MSI2: variants seen among roughly 807,000 people sequenced by gnomAD.
The protein encoded by MSI2 is RNA-binding protein Musashi homolog 2.
In MSI2, 17 loss-of-function variants were observed where a neutral mutation model predicts 45.6. The observed-to-expected ratio is 0.37, with a 90% confidence interval of 0.26 to 0.56. The LOEUF (loss-of-function observed/expected upper bound fraction) is 0.56, where lower values mean the gene tolerates loss of function less well. Among genes scored for constraint, MSI2 ranks in the 20% least tolerant of loss-of-function variants. The pLI, the probability that MSI2 is intolerant of heterozygous loss-of-function variation, is 0.77. For missense variants in MSI2, 293 were observed against 444.2 expected (o/e 0.66, Z 3.06); for synonymous variants, 156 against 158.2 (o/e 0.99, Z 0.11).
intron 6 of MSI2, among the ~76,000 whole-genome samples, chr17:57,514,182 G>A (rs528103536): frequency 2.6e-5 from 4 of 151,310 alleles, no homozygotes; most frequent in Non-Finnish European, 5.9e-5. Flanking sequence ...GAGAGTAATA[G>A]CGCCTGACAG....
intron 6 of MSI2, among the ~76,000 whole-genome samples, chr17:57,483,896 A>G (rs2085699191): frequency 6.6e-6 from 1 of 152,208 alleles, no homozygotes; most frequent in Non-Finnish European, 1.5e-5. Context: ...CCTCTAGCAC[A>G]CGCTGTTGGC....
intron 5 of MSI2, among the ~76,000 whole-genome samples, chr17:57,339,896 C>G (rs1914989803): frequency 6.6e-6 from 1 of 152,146 alleles, no homozygotes; most frequent in Non-Finnish European, 1.5e-5. Flanking sequence ...GAGATGGATT[C>G]CCCAAGGTCC....
chr17:57,351,239 C>T (rs1916005997), intron 5 of MSI2, among the ~76,000 whole-genome samples: 1 of 152,078 alleles, frequency 6.6e-6, no homozygotes, highest in Non-Finnish European at 1.5e-5. Flanking sequence ...TCTGGAGGGT[C>T]AAGCAGAAAG....
At position 57,529,091 on chromosome 17, in the gene MSI2, A is replaced by G. The variant is rs565614098; in HGVS notation, c.406-585A>G. Among the ~76,000 whole-genome samples, 8 of 152,196 alleles carry G rather than the reference A, an allele frequency of 5.3e-5. No individual in the cohort carries two copies. The highest frequency in any genetic ancestry group is 4.2e-4 in the South Asian group (2 of 4,812). On this transcript the variant is annotated intron_variant, in intron 6 of 13. Transcript: ENST00000284073. The surrounding 1 kb of genome is among the most constrained non-coding windows in gnomAD (Gnocchi z 5.3). ...AACAAAAGGACAAATTCCATATACT[A>G]TATGATTTAAACTATATTGAAATAG...
intron 11 of MSI2, among the ~76,000 whole-genome samples, chr17:57,654,200 G>T (rs989087051): frequency 5.9e-5 from 9 of 152,342 alleles, no homozygotes; most frequent in African/African-American, 2.2e-4. Context: ...GTGCTGCCGG[G>T]CAGGGTGTGT....
intron 5 of MSI2, among the ~76,000 whole-genome samples, chr17:57,320,070 G>A (rs1913203408): frequency 6.6e-6 from 1 of 152,192 alleles, no homozygotes; most frequent in African/African-American, 2.4e-5. Flanking sequence ...TCTCTGGAAT[G>A]ACAGTGCTTT....
intron 7 of MSI2, among the ~76,000 whole-genome samples, chr17:57,586,347 GTCTC>G (rs138594708): frequency 5.3e-5 from 8 of 150,142 alleles, no homozygotes; most frequent in East Asian, 1.9e-4. Context: ...ATGGTTAGAG[GTCTC>G]TCTCTCTCTC....
At chr17:57,359,145 G>A (rs888015776) in intron 5 of MSI2, among the ~76,000 whole-genome samples, 13 of 152,060 alleles carry the variant, frequency 8.5e-5, no homozygotes, top group Non-Finnish European at 1.5e-4. Flanking sequence ...CACTCTCTCC[G>A]ATTCCCCAAA....
At chr17:57,594,166 C>T (rs972721449) in intron 7 of MSI2, among the ~76,000 whole-genome samples, 3 of 152,240 alleles carry the variant, frequency 2.0e-5, no homozygotes, top group Non-Finnish European at 4.4e-5. Flanking sequence ...ACCCCAGCAT[C>T]ACCCTCTTGC....
rs542717908 is a variant in MSI2, at chr17:57,387,072, G to A, written c.313-14307G>A. Among the ~76,000 whole-genome samples, 77 of 152,266 alleles carry A rather than the reference G, an allele frequency of 5.1e-4. 3 individuals carry two copies. In the South Asian group the frequency reaches 0.014, roughly 28 times the overall value. On this transcript the variant is annotated intron_variant, in intron 5 of 13. Coordinates refer to ENST00000284073, the MANE Select transcript of MSI2 (RefSeq NM_138962.4). ...CTACAAAATGAGCCCTCCATGTTCC[G>A]GCTGACAGCTACAGGTCCCCAGTTG...
chr17:57,497,710 A>G (rs1483733834), intron 6 of MSI2, among the ~76,000 whole-genome samples: 2 of 152,176 alleles, frequency 1.3e-5, no homozygotes, highest in East Asian at 3.8e-4. Flanking sequence ...AAGACAACTG[A>G]AACATGCTTT....
chr17:57,604,851 G>A (rs1377364138), intron 8 of MSI2, among the ~76,000 whole-genome samples: 1 of 147,372 alleles, frequency 6.8e-6, no homozygotes, highest in Non-Finnish European at 1.5e-5. Context: ...CTGCCACCTG[G>A]CAAGGTGCCC....
At chr17:57,637,773 A>G (rs1446489564) in intron 10 of MSI2, among the ~76,000 whole-genome samples, 1 of 152,188 alleles carries the variant, frequency 6.6e-6, no homozygotes, top group Non-Finnish European at 1.5e-5. Flanking sequence ...AAGGAAGGCA[A>G]CCCGGCCCAA....
intron 5 of MSI2, among the ~76,000 whole-genome samples, chr17:57,271,511 G>A (rs1299956868): frequency 6.6e-6 from 1 of 152,122 alleles, no homozygotes; most frequent in East Asian, 1.9e-4. Context: ...AAATGGTCTT[G>A]ATGATGCATT....
intron 5 of MSI2, among the ~76,000 whole-genome samples, chr17:57,353,141 G>A (rs758929782): frequency 6.6e-6 from 1 of 152,170 alleles, no homozygotes; most frequent in Non-Finnish European, 1.5e-5. Flanking sequence ...TCCCGAAAAT[G>A]CGCTCTCCTC....
At chr17:57,344,495 T>C (rs995413433) in intron 5 of MSI2, among the ~76,000 whole-genome samples, 1 of 152,146 alleles carries the variant, frequency 6.6e-6, no homozygotes, top group Non-Finnish European at 1.5e-5. Context: ...AGACCTGGAG[T>C]TACTCACTTC....
At chr17:57,450,279 GAAAGAAAGAAAGAAAGAAAGAAA>G (rs2084981670) in intron 6 of MSI2, 1 of 118,754 alleles carries the variant, frequency 8.4e-6, no homozygotes, top group Non-Finnish European at 1.7e-5. Context: ...AAGAAAGAAA[GAAAGAAAGAAAGAAAGAAAGAAA>G]GAAAGAAAGA....
At chr17:57,406,032 C>G (rs2143140316) in intron 6 of MSI2, among the ~76,000 whole-genome samples, 1 of 152,298 alleles carries the variant, frequency 6.6e-6, no homozygotes, top group Non-Finnish European at 1.5e-5. Context: ...AAAGCCCCAC[C>G]TCCCACTTTA....
At chr17:57,517,640 C>T (rs968739176) in intron 6 of MSI2, among the ~76,000 whole-genome samples, 3 of 152,216 alleles carry the variant, frequency 2.0e-5, no homozygotes, top group African/African-American at 7.2e-5. Flanking sequence ...ATGGAACTTC[C>T]TCTCTCCCTC....
Sources: allele counts gnomAD v4.1 joint callset (sites outside exome capture counted in the v4.1 genomes callset), GRCh38; gene constraint gnomAD v4.1.1; non-coding constraint Gnocchi (gnomAD v3.1); transcripts MANE v1.5; gene names NCBI Gene and HGNC (gene_info 2026-07-23, HGNC 2026-07-21).